Variants in ZNF540 observed in about 807,000 individuals in gnomAD.
The protein encoded by ZNF540 is CTD-3064H18.6.
A neutral mutation model predicts 11.8 loss-of-function variants in ZNF540; 3 were observed. The observed-to-expected ratio is 0.25, with a 90% CI of 0.12 to 0.65. ZNF540 has a LOEUF of 0.65. ZNF540 is among the 30% of genes least tolerant of loss of function. ZNF540 has a pLI of 0.83. For synonymous variants in ZNF540, 247 were observed against 259.0 expected (o/e 0.95, Z 0.45); for missense variants, 709 against 793.1 (o/e 0.89, Z 1.27).
At chr19:37,590,444 A>G (rs1192881253), upstream of ZNF540, among the ~76,000 whole-genome samples, 4 of 151,964 alleles carry the variant, frequency 2.6e-5, 1 homozygote, top group Non-Finnish European at 5.9e-5. Context: ...AAAAAAAGCT[A>G]TAAGGACAAA....
Position 37,613,726 on chromosome 19 carries a change from A to C in ZNF540, c.*463A>C. On this transcript the variant is annotated 3_prime_UTR_variant, in exon 5 of 5. Coordinates refer to ENST00000316433, the MANE Select transcript of ZNF540 (RefSeq NM_001172225.3). ...ATAGGAAGATGCAATGGAGATGACA[A>C]ATTTGGAAAAACCACTCATCACTTA... is the stretch of plus-strand genomic sequence containing the variant. 1 of 398,510 alleles carries C rather than the reference A, an allele frequency of 2.5e-6. No homozygotes were observed. The highest frequency in any genetic ancestry group is 4.4e-6 in the Non-Finnish European group (1 of 226,044). 24.7% of individuals were successfully genotyped at this position (398,510 alleles called of 1,614,324 possible).
intron 1 of ZNF540, among the ~76,000 whole-genome samples, chr19:37,589,764 G>T (rs894695325): frequency 1.3e-5 from 2 of 148,174 alleles, no homozygotes; most frequent in African/African-American, 5.0e-5. Context: ...TACTTGGGAG[G>T]CTGAGGCAAA....
chr19:37,607,688 C>G (rs1293192963), intron 4 of ZNF540, among the ~76,000 whole-genome samples: 1 of 152,110 alleles, frequency 6.6e-6, no homozygotes. Flanking sequence ...TCTGGATGTA[C>G]CACAGCTTAA....
At chr19:37,560,181 G>T (rs1172940720) in intron 1 of ZNF540, among the ~76,000 whole-genome samples, 6 of 151,864 alleles carry the variant, frequency 4.0e-5, no homozygotes, top group African/African-American at 1.5e-4. Context: ...AGGAGGCTGA[G>T]GCAGGAGAAT....
intron 1 of ZNF540, chr19:37,595,421 CTGAG>C (rs1206079211): frequency 2.6e-5 from 4 of 152,156 alleles, no homozygotes; most frequent in African/African-American, 7.2e-5. Context: ...CAGCCTGCGA[CTGAG>C]TATCTTATAA....
intron 1 of ZNF540, among the ~76,000 whole-genome samples, chr19:37,557,434 T>C (rs192469422): frequency 1.3e-5 from 2 of 152,260 alleles, no homozygotes; most frequent in Non-Finnish European, 2.9e-5. Context: ...AACGTTAATA[T>C]CCTTACCCCA....
chr19:37,611,865 TTTTAATAATG>T lies in ZNF540; in HGVS notation c.587_596del (p.Phe196SerfsTer86). 1 of 1,613,946 alleles carries T rather than the reference TTTTAATAATG, an allele frequency of 6.2e-7. No individual in the cohort carries two copies. The highest frequency in any genetic ancestry group is 8.5e-7 in the Non-Finnish European group (1 of 1,179,950). Reference sequence around the variant, plus strand: ...ATGATTGTAAAGAATGTGGGAGTACTTTTAATAATGTCTATCAGCTTACTCTCCATCAGAA... The same window carrying T: ...ATGATTGTAAAGAATGTGGGAGTACTTCTATCAGCTTACTCTCCATCAGAA... On this transcript the variant is annotated frameshift_variant, in exon 5 of 5. Transcript: ENST00000316433. LOFTEE classifies it low-confidence loss of function (END_TRUNC).
chr19:37,578,663 C>T (rs55909413), intron 1 of ZNF540, among the ~76,000 whole-genome samples: 40,476 of 151,988 alleles, frequency 0.27, 6,390 homozygotes, highest in Non-Finnish European at 0.37. Context: ...CTGAGCTCCC[C>T]AGCACAGCGA....
At chr19:37,564,749 C>T in intron 1 of ZNF540, 1 of 1,613,820 alleles carries the variant, frequency 6.2e-7, no homozygotes, top group Non-Finnish European at 8.5e-7. Flanking sequence ...ACATTCCTTA[C>T]ATTCATAGGG....
Position 37,613,203 on chromosome 19 carries a change from A to G in ZNF540, c.1923A>G (p.Arg641=). The G allele has an allele frequency of 6.3e-7, 1 of 1,589,812 alleles. No homozygotes were observed. The highest frequency in any genetic ancestry group is 8.6e-7 in the Non-Finnish European group (1 of 1,168,212). ...GEKPYECKVC[R]KAFRQYSHLY... is the part of the protein sequence containing the mutation. The stretch of plus-strand genomic sequence containing the variant: ...AACCCTATGAGTGTAAGGTATGTAG[A>G]AAGGCCTTTAGACAATATTCACATC... The change falls in exon 5 of 5, where the codon AGA becomes AGG. Residue 641 remains arginine, a synonymous_variant. Transcript: ENST00000316433.
intron 1 of ZNF540, among the ~76,000 whole-genome samples, chr19:37,567,253 CT>C (rs2042893582): frequency 6.6e-6 from 1 of 152,192 alleles, no homozygotes; most frequent in Non-Finnish European, 1.5e-5. Context: ...GTTTCATATA[CT>C]GCTTTATCTC....
chr19:37,573,941 A>G lies in ZNF540; in HGVS notation c.-73+22276A>G, dbSNP rs573648006. On this transcript the variant is annotated intron_variant, in intron 1 of 4. Transcript: ENST00000592533. ...GCCCTAACACAAAATAACATTTTAAAAAATCATTGCCTTTTCCACCTCAAA... is the reference window on the plus strand; with the variant it reads ...GCCCTAACACAAAATAACATTTTAAGAAATCATTGCCTTTTCCACCTCAAA... Among the ~76,000 whole-genome samples the G allele has an allele frequency of 3.3e-5, 5 of 152,354 alleles. No homozygotes were observed. In the East Asian group the frequency reaches 9.6e-4, roughly 29 times the overall value.
intron 1 of ZNF540, chr19:37,560,911 T>C (rs2147141502): frequency 6.6e-6 from 1 of 152,036 alleles, no homozygotes. Context: ...TTAAACAATC[T>C]TGTAACAACA....
intron 1 of ZNF540, chr19:37,570,138 C>T (rs1053487467): frequency 6.6e-6 from 1 of 152,208 alleles, no homozygotes; most frequent in Non-Finnish European, 1.5e-5. Context: ...CACTAGAGGC[C>T]AATCCTTTAA....
intron 1 of ZNF540, among the ~76,000 whole-genome samples, chr19:37,596,869 T>C (rs2044000471): frequency 6.6e-6 from 1 of 152,240 alleles, no homozygotes; most frequent in Non-Finnish European, 1.5e-5. Flanking sequence ...TTAACGTATA[T>C]TATCTTAATA....
At chr19:37,568,879 TA>T (rs2042961032) in intron 1 of ZNF540, among the ~76,000 whole-genome samples, 1 of 152,132 alleles carries the variant, frequency 6.6e-6, no homozygotes. Context: ...CATCAAGTCC[TA>T]CTGAATATAT....
chr19:37,565,790 T>A (rs1188205911), intron 1 of ZNF540: 1 of 1,613,834 alleles, frequency 6.2e-7, no homozygotes, highest in Non-Finnish European at 8.5e-7. Context: ...AATTTTCTGA[T>A]GTTGAATGAG....
At chr19:37,589,200 C>CAAA (rs35689698) in intron 1 of ZNF540, among the ~76,000 whole-genome samples, 56 of 108,622 alleles carry the variant, frequency 5.2e-4, no homozygotes, top group Admixed American at 1.1e-3. Context: ...AACTCCGTCT[C>CAAA]AAAAAAAAAA....
chr19:37,600,082 T>C (rs2044027231), intron 3 of ZNF540, among the ~76,000 whole-genome samples: 1 of 152,218 alleles, frequency 6.6e-6, no homozygotes, highest in Admixed American at 6.5e-5. Flanking sequence ...AGCTCAGAAT[T>C]GCTATGGATG....
Sources: allele counts gnomAD v4.1 joint callset (sites outside exome capture counted in the v4.1 genomes callset), GRCh38; gene constraint gnomAD v4.1.1; transcripts MANE v1.5; gene names NCBI Gene and HGNC (gene_info 2026-07-23, HGNC 2026-07-21).